ASTN1: variants seen among roughly 807,000 people sequenced by gnomAD.
The protein encoded by ASTN1 is astrotactin-1.
ASTN1 carries 41 observed loss-of-function variants against 140.7 expected under a neutral mutation model. That is an observed-to-expected ratio of 0.29 (90% confidence interval 0.23 to 0.38). ASTN1 has a LOEUF of 0.38. Ranked by LOEUF, ASTN1 falls within the 10% of genes least tolerant of loss-of-function variation. The pLI is 1.00. For synonymous variants in ASTN1, 640 were observed against 652.2 expected, an observed-to-expected ratio of 0.98 and a Z score of 0.29; for missense variants, 1,479 against 1,678.8, an observed-to-expected ratio of 0.88 and a Z score of 2.08.
chr1:177,121,695 T>C (rs952643991), intron 1 of ASTN1, among the ~76,000 whole-genome samples: 1 of 152,210 alleles, frequency 6.6e-6, no homozygotes, highest in Admixed American at 6.5e-5. Flanking sequence ...CTGTGAGCTC[T>C]CACATTTCAC....
chr1:177,098,178 G>T (rs1680120029), intron 1 of ASTN1, among the ~76,000 whole-genome samples: 3 of 152,070 alleles, frequency 2.0e-5, no homozygotes, highest in Admixed American at 1.3e-4. Context: ...GGCGTCTGAA[G>T]GGGGAGCAGT....
intron 1 of ASTN1, among the ~76,000 whole-genome samples, chr1:177,097,061 C>T (rs1329199357): frequency 6.6e-6 from 1 of 151,832 alleles, no homozygotes; most frequent in East Asian, 1.9e-4. Context: ...TAATAAGCTA[C>T]CCAGTATACG....
Position 177,032,443 on chromosome 1 carries a change from C to G in ASTN1, c.865+13G>C, listed in dbSNP as rs780328042. On this transcript the variant is annotated intron_variant, in intron 3 of 22. Transcript: ENST00000361833. Reference sequence around the variant, plus strand: ...AAGGACCAAACAGCCCCTTGCCTTTCTCCCATCCCCACCTGGTGTGAGGTC... The same window carrying G: ...AAGGACCAAACAGCCCCTTGCCTTTGTCCCATCCCCACCTGGTGTGAGGTC... 1 of 1,609,484 alleles carries G rather than the reference C, an allele frequency of 6.2e-7. No individual in the cohort carries two copies. Among genetic ancestry groups the G allele is most frequent in the Non-Finnish European group, 8.5e-7 (1 of 1,177,468 alleles).
intron 11 of ASTN1, among the ~76,000 whole-genome samples, chr1:176,953,913 T>C (rs1041149307): frequency 6.6e-6 from 1 of 152,222 alleles, no homozygotes; most frequent in Admixed American, 6.5e-5. Flanking sequence ...AGTGTGAAGT[T>C]AAAGAAGGAG....
intron 1 of ASTN1, among the ~76,000 whole-genome samples, chr1:177,159,911 C>A (rs2102265187): frequency 6.6e-6 from 1 of 152,268 alleles, no homozygotes; most frequent in Middle Eastern, 3.4e-3. Flanking sequence ...TGAGAATTCC[C>A]AAACTCTTCT....
At chr1:177,127,662 T>C (rs1365578643) in intron 1 of ASTN1, among the ~76,000 whole-genome samples, 1 of 152,208 alleles carries the variant, frequency 6.6e-6, no homozygotes, top group Non-Finnish European at 1.5e-5. Context: ...TGAAGATCCC[T>C]GGGTATTGCC....
chr1:176,957,699 C>G lies in ASTN1; in HGVS notation c.1866G>C (p.Lys622Asn). The G allele has an allele frequency of 6.2e-7, 1 of 1,614,066 alleles. No individual in the cohort carries two copies. Among genetic ancestry groups the G allele is most frequent in the Non-Finnish European group, 8.5e-7 (1 of 1,179,966 alleles). The change falls in exon 11 of 23, where the codon AAG becomes AAC. Residue 622 changes from lysine (K) to asparagine (N), a missense_variant. By Grantham distance (94) the Lys-to-Asn change is moderately conservative. This residue lies in a region of ASTN1 where 729 missense variants were observed against 860.4 expected (regional missense o/e 0.85). Transcript: ENST00000361833. The part of the protein sequence containing the change: ...SKNFRCISDR[K>N]LDSTGCVCPS... ...CTACCACGCAACCAGTGGAGTCCAG[C>G]TTGCGATCTGAAATACAGCGGAAAT...
intron 16 of ASTN1, among the ~76,000 whole-genome samples, chr1:176,917,099 C>G (rs1571505775): frequency 6.6e-6 from 1 of 152,338 alleles, no homozygotes. Context: ...TCTCTTCAGT[C>G]CTGCCCCATC....
At chr1:176,885,159 T>C (rs75267097) in intron 18 of ASTN1, among the ~76,000 whole-genome samples, 2,961 of 152,352 alleles carry the variant, frequency 0.019, 77 homozygotes, top group African/African-American at 0.068. Flanking sequence ...TTCTGCCTGC[T>C]TGCCCAGATT....
At chr1:177,129,545 A>G (rs1342766269) in intron 1 of ASTN1, among the ~76,000 whole-genome samples, 1 of 152,250 alleles carries the variant, frequency 6.6e-6, no homozygotes, top group East Asian at 1.9e-4. Flanking sequence ...AGAGTTGAAC[A>G]GAAAGAAAGG....
chr1:177,009,634 TG>T (rs963990773), intron 8 of ASTN1, among the ~76,000 whole-genome samples: 2 of 152,184 alleles, frequency 1.3e-5, no homozygotes, highest in Non-Finnish European at 2.9e-5. Context: ...TAAGGCAGCA[TG>T]GGCCATGTAT....
At chr1:177,037,794 T>C (rs1462557417) in intron 2 of ASTN1, among the ~76,000 whole-genome samples, 4 of 152,226 alleles carry the variant, frequency 2.6e-5, no homozygotes, top group African/African-American at 9.6e-5. Flanking sequence ...TTGGGGTATA[T>C]GAGAAACCCA....
intron 2 of ASTN1, among the ~76,000 whole-genome samples, chr1:177,057,664 C>T (rs939255186): frequency 3.9e-5 from 6 of 151,940 alleles, no homozygotes; most frequent in African/African-American, 1.5e-4. Flanking sequence ...TCTCTTTTTC[C>T]AATTATGCTA....
intron 1 of ASTN1, among the ~76,000 whole-genome samples, chr1:177,141,501 T>C (rs549658119): frequency 6.6e-6 from 1 of 152,302 alleles, no homozygotes; most frequent in South Asian, 2.1e-4. Flanking sequence ...CACTCAGCCC[T>C]TTTCATTCCT....
intron 1 of ASTN1, among the ~76,000 whole-genome samples, chr1:177,148,843 G>C (rs1682839791): frequency 6.6e-6 from 1 of 151,738 alleles, no homozygotes; most frequent in African/African-American, 2.4e-5. Context: ...GAAGCACACA[G>C]AACTGTGACT....
At chr1:177,094,436 T>G (rs1679925316) in intron 1 of ASTN1, among the ~76,000 whole-genome samples, 1 of 152,210 alleles carries the variant, frequency 6.6e-6, no homozygotes, top group African/African-American at 2.4e-5. Flanking sequence ...AGTCCCCTGC[T>G]TTGGGCTTAG....
intron 1 of ASTN1, among the ~76,000 whole-genome samples, chr1:177,095,029 T>C (rs1177808396): frequency 3.3e-5 from 5 of 152,208 alleles, no homozygotes; most frequent in African/African-American, 1.2e-4. Context: ...AGAACTTGGC[T>C]TAATTGTGTT....
At chr1:176,995,540 G>A (rs1355635133) in intron 8 of ASTN1, among the ~76,000 whole-genome samples, 3 of 152,174 alleles carry the variant, frequency 2.0e-5, no homozygotes, top group African/African-American at 7.2e-5. Context: ...ATGTAGGATA[G>A]CACGGCACAC....
At chr1:177,158,287 A>C (rs940022404) in intron 1 of ASTN1, among the ~76,000 whole-genome samples, 5 of 152,258 alleles carry the variant, frequency 3.3e-5, no homozygotes, top group Admixed American at 1.3e-4. Context: ...AAAACAAAAT[A>C]TCAACTATTT....
Sources: gnomAD v4.1 joint callset for allele counts (sites outside exome capture counted in the v4.1 genomes callset) on GRCh38, gnomAD v4.1.1 for gene constraint, gnomAD v4.1.1 regional missense constraint, MANE v1.5 for transcripts, NCBI Gene and HGNC (gene_info 2026-07-23, HGNC 2026-07-21) for gene names.